ANKRD11: variants seen among roughly 807,000 people sequenced by gnomAD.
The protein encoded by ANKRD11 is ankyrin repeat domain 11.
Under a neutral mutation model 195.7 loss-of-function variants are expected in ANKRD11, and 17 were observed. The ratio of observed to expected loss-of-function variants is 0.09; its 90% CI spans 0.06 to 0.13. The LOEUF is 0.13. Among genes scored for constraint, ANKRD11 ranks in the 10% least tolerant of loss-of-function variants. The probability of loss-of-function intolerance (pLI) is 1.00; values close to 1 mark genes in which losing one functional copy is unlikely to be tolerated. For missense variants in ANKRD11, 3,735 were observed against 3,566.1 expected, an observed-to-expected ratio of 1.05 and a Z score of -1.21; for synonymous variants, 1,953 against 1,528.1, an observed-to-expected ratio of 1.28 and a Z score of -6.49.
chr16:89,279,443 T>C lies in ANKRD11; in HGVS notation c.7099A>G (p.Thr2367Ala). ...KECAPTPAPV[T>A]RAKARGSEDD... ...TCGGAGCCGCGGGCCTTGGCCCTGG[T>C]GACCGGGGCAGGGGTGGGGGCGCAC... Residue 2367 changes from threonine to alanine, a missense_variant, in exon 9 of 13, where the codon ACC (threonine) becomes GCC (alanine). Coordinates refer to ENST00000301030, the MANE Select transcript of ANKRD11 (RefSeq NM_013275.6). The surrounding 1 kb of genome is among the most constrained non-coding windows in gnomAD (Gnocchi z 5.6). The C allele has an allele frequency of 6.7e-7, 1 of 1,494,746 alleles. No homozygotes were observed. Among genetic ancestry groups the C allele is most frequent in the Non-Finnish European group, 9.0e-7 (1 of 1,115,200 alleles). 92.6% of individuals were successfully genotyped at this position (1,494,746 alleles called of 1,614,324 possible). A position where few individuals can be genotyped will look rare whatever the true frequency, so the allele number is the denominator to read the frequency against.
intron 2 of ANKRD11, among the ~76,000 whole-genome samples, chr16:89,366,236 A>G (rs113949488): frequency 6.6e-6 from 1 of 151,960 alleles, no homozygotes; most frequent in African/African-American, 2.4e-5. Flanking sequence ...CGTCACTGAT[A>G]GATGCTCATG....
intron 2 of ANKRD11, among the ~76,000 whole-genome samples, chr16:89,376,992 G>T (rs1025881488): frequency 1.3e-5 from 2 of 152,204 alleles, no homozygotes; most frequent in Non-Finnish European, 2.9e-5. Flanking sequence ...TTGCAACAAG[G>T]CTGGAAAGAA....
chr16:89,366,672 T>A (rs1396464842), intron 2 of ANKRD11, among the ~76,000 whole-genome samples: 1 of 152,192 alleles, frequency 6.6e-6, no homozygotes, highest in South Asian at 2.1e-4. Context: ...ATGAGGGTGC[T>A]GAGACATGTC....
intron 1 of ANKRD11, among the ~76,000 whole-genome samples, chr16:89,430,580 A>T (rs867539998): frequency 6.6e-6 from 1 of 151,832 alleles, no homozygotes; most frequent in Non-Finnish European, 1.5e-5. Flanking sequence ...TCACGCTCAG[A>T]CGTTCTAGTA....
chr16:89,372,009 G>C (rs756314462), intron 2 of ANKRD11, among the ~76,000 whole-genome samples: 50 of 152,298 alleles, frequency 3.3e-4, no homozygotes, highest in Middle Eastern at 3.4e-3. Context: ...GTTTGTCACG[G>C]GCCAAGAACA....
chr16:89,288,895 C>T (rs575936837), intron 6 of ANKRD11: 11 of 623,100 alleles, frequency 1.8e-5, no homozygotes, highest in Non-Finnish European at 2.8e-5. Context: ...CTTATTAACC[C>T]TACGGACTGA....
In ANKRD11 at chr16:89,282,360, C is replaced by T. The variant is rs777774263; in HGVS notation, c.4182G>A (p.Lys1394=). ...GSRKDSGQYE[K]DFLEADAYGV... ...CGTAAGCATCCGCCTCCAGGAAGTC[C>T]TTTTCGTACTGGCCGGAGTCCTTCC... Residue 1394 remains lysine, a synonymous_variant, in exon 9 of 13, where the codon AAG becomes AAA. Coordinates refer to ENST00000301030, the MANE Select transcript of ANKRD11 (RefSeq NM_013275.6). 1 of 1,614,196 alleles carries T rather than the reference C, an allele frequency of 6.2e-7. No individual in the cohort carries two copies. The highest frequency in any genetic ancestry group is 8.5e-7 in the Non-Finnish European group (1 of 1,180,040).
intron 1 of ANKRD11, among the ~76,000 whole-genome samples, chr16:89,462,392 G>T (rs1366909763): frequency 6.6e-6 from 1 of 152,246 alleles, no homozygotes; most frequent in African/African-American, 2.4e-5. Context: ...CCAGGCTGGA[G>T]TGCAGTGGCA....
At position 89,291,878 on chromosome 16, in the gene ANKRD11, C is replaced by G. The variant is rs2035083746; in HGVS notation, c.227-695G>C. On this transcript the variant is annotated intron_variant, in intron 4 of 12. Transcript: ENST00000301030. The surrounding 1 kb of genome is among the most constrained non-coding windows in gnomAD (Gnocchi z 5.3). The stretch of plus-strand genomic sequence containing the variant: ...CAAGCACACCCTGCACTCATCTGAC[C>G]CGTTACAGAACACTCGGCTGGCGTC... 2 of 766,232 alleles carry G rather than the reference C, an allele frequency of 2.6e-6. No individual in the cohort carries two copies. The highest frequency in any genetic ancestry group is 3.9e-6 in the Non-Finnish European group (2 of 513,452). The allele number at this position is 766,232 out of a possible 1,614,324, so 47.5% of individuals were successfully genotyped here. A position where few individuals can be genotyped will look rare whatever the true frequency, so the allele number is the denominator to read the frequency against.
chr16:89,286,941 C>T (rs1171156120), intron 7 of ANKRD11: 2 of 1,289,708 alleles, frequency 1.6e-6, no homozygotes, highest in African/African-American at 1.5e-5. Flanking sequence ...TCTTGTCGCC[C>T]ACAGAATCAG....
chr16:89,338,662 T>C (rs1333348409), intron 2 of ANKRD11, among the ~76,000 whole-genome samples: 1 of 139,140 alleles, frequency 7.2e-6, no homozygotes, highest in Non-Finnish European at 1.5e-5. Flanking sequence ...GAAGCTGAGG[T>C]TGCAGTGAGC....
intron 1 of ANKRD11, among the ~76,000 whole-genome samples, chr16:89,421,916 G>C (rs2042526350): frequency 1.3e-5 from 2 of 152,184 alleles, no homozygotes; most frequent in Admixed American, 6.5e-5. Context: ...TCTACCTATG[G>C]AAATGGCAAC....
chr16:89,286,324 G>A (rs941410533), intron 7 of ANKRD11, 138 bp from the exon 8 acceptor site: 7 of 1,273,102 alleles, frequency 5.5e-6, no homozygotes, highest in Admixed American at 1.8e-5. Context: ...GGGTGTGGGA[G>A]CCGAGCGCCC....
Position 89,337,429 on chromosome 16 carries a change from C to CTTTT in ANKRD11, c.-59-20355_-59-20352dup, listed in dbSNP as rs1165680827. 3.1e-3 allele frequency among the ~76,000 whole-genome samples: 164 copies of CTTTT among 53,124 alleles called. 48 individuals carry two copies. The highest frequency in any genetic ancestry group is 0.012 in the African/African-American group (150 of 12,214). The allele number at this position is 53,124 out of a possible 152,430, so 34.9% of individuals were successfully genotyped here. A position where few individuals can be genotyped will look rare whatever the true frequency, so the allele number is the denominator to read the frequency against. ...ATACATGAACATGGTCTAAGCAATT[C>CTTTT]TTTTTTTTTTTTTTTTTTTTTTTTT... On this transcript the variant is annotated intron_variant, in intron 2 of 12. Transcript: ENST00000301030.
chr16:89,396,127 G>C (rs2041416632), intron 2 of ANKRD11: 1 of 152,230 alleles, frequency 6.6e-6, no homozygotes, highest in Non-Finnish European at 1.5e-5. Context: ...TTGTCAATGT[G>C]AAAATTCAAG....
intron 1 of ANKRD11, among the ~76,000 whole-genome samples, chr16:89,428,436 A>G (rs879439575): frequency 2.6e-5 from 4 of 151,074 alleles, no homozygotes; most frequent in Admixed American, 6.6e-5. Flanking sequence ...TGAGGCAGGA[A>G]AATGTTGTGA....
chr16:89,417,813 C>A (rs529247141), intron 2 of ANKRD11, among the ~76,000 whole-genome samples: 1 of 152,126 alleles, frequency 6.6e-6, no homozygotes, highest in Non-Finnish European at 1.5e-5. Context: ...TCCCAGGATA[C>A]AGAATCCTCA....
intron 2 of ANKRD11, among the ~76,000 whole-genome samples, chr16:89,347,544 G>T (rs2039001402): frequency 6.6e-6 from 1 of 150,926 alleles, no homozygotes; most frequent in South Asian, 2.1e-4. Context: ...CTGGGAGATG[G>T]AGGTTGCAGC....
intron 1 of ANKRD11, among the ~76,000 whole-genome samples, chr16:89,474,638 CAT>C (rs928946162): frequency 5.3e-5 from 8 of 152,164 alleles, no homozygotes; most frequent in African/African-American, 1.4e-4. Context: ...CACCAACACA[CAT>C]GATGCCAACC....
Sources: allele counts gnomAD v4.1 joint callset (sites outside exome capture counted in the v4.1 genomes callset), GRCh38; gene constraint gnomAD v4.1.1; non-coding constraint Gnocchi (gnomAD v3.1); transcripts MANE v1.5; gene names NCBI Gene and HGNC (gene_info 2026-07-23, HGNC 2026-07-21).